BCAR3: variants seen among roughly 807,000 people sequenced by gnomAD.
BCAR3 encodes breast cancer anti-estrogen resistance protein 3.
BCAR3 carries 37 observed loss-of-function variants against 80.1 expected under a neutral mutation model. The ratio of observed to expected loss-of-function variants is 0.46; its 90% CI spans 0.36 to 0.61. The LOEUF (loss-of-function observed/expected upper bound fraction) is 0.61. BCAR3 is among the 20% of genes least tolerant of loss of function. BCAR3 has a pLI of 0.00. For missense variants in BCAR3, 978 were observed against 1,068.2 expected (o/e 0.92, Z 1.18); for synonymous variants, 389 against 418.9 (o/e 0.93, Z 0.87).
intron 2 of BCAR3, among the ~76,000 whole-genome samples, chr1:93,765,221 A>T (rs1299032726): frequency 6.6e-6 from 1 of 152,246 alleles, no homozygotes; most frequent in South Asian, 2.1e-4. Context: ...TACAATAACC[A>T]CTCCTACTAG....
chr1:93,628,080 T>C (rs1675504738), intron 3 of BCAR3, among the ~76,000 whole-genome samples: 1 of 152,206 alleles, frequency 6.6e-6, no homozygotes, highest in African/African-American at 2.4e-5. Flanking sequence ...TGAATCATTC[T>C]ACTCCTAGAT....
intron 2 of BCAR3, among the ~76,000 whole-genome samples, chr1:93,839,541 G>A (rs540731736): frequency 6.6e-5 from 10 of 152,266 alleles, no homozygotes; most frequent in African/African-American, 2.2e-4. Flanking sequence ...CTGAGGTCGT[G>A]GGCCTGATCC....
At chr1:93,609,376 C>T (rs1176791352) in intron 3 of BCAR3, among the ~76,000 whole-genome samples, 1 of 152,162 alleles carries the variant, frequency 6.6e-6, no homozygotes, top group Non-Finnish European at 1.5e-5. Flanking sequence ...CTTACTGATT[C>T]CATCTATCCA....
chr1:93,706,318 A>C (rs1245266815), intron 2 of BCAR3, among the ~76,000 whole-genome samples: 1 of 152,142 alleles, frequency 6.6e-6, no homozygotes, highest in African/African-American at 2.4e-5. Context: ...TGCAGAGCTC[A>C]CACCGCCCAT....
At chr1:93,597,719 C>A (rs910263283) in intron 3 of BCAR3, among the ~76,000 whole-genome samples, 1 of 152,212 alleles carries the variant, frequency 6.6e-6, no homozygotes, top group African/African-American at 2.4e-5. Context: ...AAGCAGACTT[C>A]ATGTTCAAGG....
intron 2 of BCAR3, among the ~76,000 whole-genome samples, chr1:93,711,483 G>C (rs1369886442): frequency 1.3e-5 from 2 of 152,160 alleles, no homozygotes; most frequent in East Asian, 3.9e-4. Flanking sequence ...GGCCTCTTAA[G>C]GGCAAGATTT....
chr1:93,765,198 C>T (rs908631876), intron 2 of BCAR3, among the ~76,000 whole-genome samples: 1 of 152,218 alleles, frequency 6.6e-6, no homozygotes, highest in Admixed American at 6.5e-5. Flanking sequence ...CTTTGTGTGT[C>T]TCCAGTGCTG....
chr1:93,709,002 T>A (rs1649921903), intron 2 of BCAR3, among the ~76,000 whole-genome samples: 1 of 151,364 alleles, frequency 6.6e-6, no homozygotes, highest in African/African-American at 2.4e-5. Context: ...ATCAGGAGAG[T>A]CGATTGCACA....
chr1:93,596,102 C>A (rs1674409832), intron 3 of BCAR3, among the ~76,000 whole-genome samples: 1 of 152,204 alleles, frequency 6.6e-6, no homozygotes, highest in South Asian at 2.1e-4. Context: ...CTATCTGTGT[C>A]CTCTAATTGA....
chr1:93,680,248 G>C (rs1010627626), intron 1 of BCAR3, among the ~76,000 whole-genome samples: 2 of 152,214 alleles, frequency 1.3e-5, no homozygotes, highest in Non-Finnish European at 2.9e-5. Context: ...AAGCAGTTCT[G>C]CCTATATGAA....
At chr1:93,741,501 A>G (rs1651174876) in intron 2 of BCAR3, among the ~76,000 whole-genome samples, 1 of 152,254 alleles carries the variant, frequency 6.6e-6, no homozygotes, top group African/African-American at 2.4e-5. Flanking sequence ...GCTAATATTC[A>G]TAAAGCACTT....
At chr1:93,732,624 G>T (rs1201520799) in intron 2 of BCAR3, among the ~76,000 whole-genome samples, 2 of 145,986 alleles carry the variant, frequency 1.4e-5, no homozygotes, top group African/African-American at 2.5e-5. Flanking sequence ...CTCAAAAAAA[G>T]AAAAAAAAAC....
chr1:93,718,177 GA>G (rs777912503), intron 2 of BCAR3, among the ~76,000 whole-genome samples: 1 of 152,118 alleles, frequency 6.6e-6, no homozygotes, highest in Non-Finnish European at 1.5e-5. Context: ...AGGATGAGGA[GA>G]AGTTTCATGA....
Position 93,576,031 on chromosome 1 carries a change from G to A in BCAR3, c.1785C>T (p.Arg595=), listed in dbSNP as rs138816403. Residue 595 remains arginine (R), a synonymous_variant, in exon 8 of 12, where the codon CGC becomes CGT. Coordinates refer to ENST00000260502, the MANE Select transcript of BCAR3 (RefSeq NM_003567.4). ...CTGCTCACCTTTCAATTATGTCCAG[G>A]CGCAGCTGGTGTCCGTGAGGCAAGG... is the stretch of plus-strand genomic sequence containing the variant. ...LITLPHGHQL[R]LDIIERHNTM... is the part of the protein sequence containing the mutation. The A allele has an allele frequency of 9.9e-4, 1,598 of 1,614,118 alleles. 2 individuals are homozygous for A. Among genetic ancestry groups the A allele is most frequent in the Non-Finnish European group, 1.3e-3 (1,485 of 1,180,008 alleles).
At chr1:93,626,096 G>A (rs574891172) in intron 3 of BCAR3, among the ~76,000 whole-genome samples, 109 of 152,278 alleles carry the variant, frequency 7.2e-4, no homozygotes, top group African/African-American at 2.6e-3. Flanking sequence ...GATCTTTACA[G>A]TATATCATGA....
At chr1:93,569,801 C>T (rs186137829) in intron 9 of BCAR3, among the ~76,000 whole-genome samples, 36 of 152,144 alleles carry the variant, frequency 2.4e-4, no homozygotes, top group African/African-American at 8.4e-4. Flanking sequence ...GGGGACAAGT[C>T]CCTAACTGCT....
At position 93,589,194 on chromosome 1, in the gene BCAR3, G is replaced by A. The variant is rs201358526; in HGVS notation, c.712C>T (p.Arg238Cys). ...PGLVRCYVGN[R>C]RPISQQSGAI... ...CCACTCTGCTGGGAGATGGGCCGGCGGTTGCCCACGTAGCAGCGCACCAGG... is the reference window on the plus strand; with the variant it reads ...CCACTCTGCTGGGAGATGGGCCGGCAGTTGCCCACGTAGCAGCGCACCAGG... The change falls in exon 5 of 12, where the codon CGC (arginine) becomes TGC (cysteine). Residue 238 changes from arginine to cysteine, a missense_variant. Coordinates refer to ENST00000260502, the MANE Select transcript of BCAR3 (RefSeq NM_003567.4). The A allele has an allele frequency of 7.3e-5, 117 of 1,613,662 alleles. No homozygotes were observed. Among genetic ancestry groups the A allele is most frequent in the Non-Finnish European group, 8.1e-5 (96 of 1,179,948 alleles).
chr1:93,815,950 T>C (rs1377364313), intron 2 of BCAR3, among the ~76,000 whole-genome samples: 1 of 152,206 alleles, frequency 6.6e-6, no homozygotes, highest in African/African-American at 2.4e-5. Context: ...GCCATGTGTA[T>C]AGTACACTCT....
intron 7 of BCAR3, among the ~76,000 whole-genome samples, chr1:93,579,901 C>T (rs1225266184): frequency 6.6e-6 from 1 of 152,256 alleles, no homozygotes; most frequent in Admixed American, 6.5e-5. Context: ...AATCCTCCTA[C>T]CTCCCAAACA....
Sources: gnomAD v4.1 joint callset for allele counts (sites outside exome capture counted in the v4.1 genomes callset) on GRCh38, gnomAD v4.1.1 for gene constraint, MANE v1.5 for transcripts, NCBI Gene and HGNC (gene_info 2026-07-23, HGNC 2026-07-21) for gene names.